The following ARHGEF10 variants were observed in gnomAD, a reference collection of about 807,000 sequenced individuals.
ARHGEF10 encodes Rho guanine nucleotide exchange factor 10.
A neutral mutation model predicts 147.4 loss-of-function variants in ARHGEF10; 140 were observed. The ratio of observed to expected loss-of-function variants is 0.95; its 90% CI spans 0.83 to 1.09. The LOEUF (loss-of-function observed/expected upper bound fraction) is 1.09, where lower values mean the gene tolerates loss of function less well. Among genes scored for constraint, ARHGEF10 ranks in the 50% least tolerant of loss-of-function variants. The pLI is 0.00. For synonymous variants in ARHGEF10, 902 were observed against 695.8 expected (o/e 1.30, Z -4.67); for missense variants, 2,222 against 1,752.7 (o/e 1.27, Z -4.78).
At chr8:1,915,582 C>T (rs574918481) in intron 18 of ARHGEF10, among the ~76,000 whole-genome samples, 1 of 152,366 alleles carries the variant, frequency 6.6e-6, no homozygotes, top group African/African-American at 2.4e-5. Context: ...GACAGTCCCA[C>T]AGTGGTGGCG....
intron 11 of ARHGEF10, among the ~76,000 whole-genome samples, chr8:1,890,233 GT>G (rs1230430819): frequency 2.2e-5 from 3 of 134,928 alleles, no homozygotes; most frequent in Admixed American, 7.0e-5. Flanking sequence ...TGGGGTGAGG[GT>G]TTGTGAGGAG....
intron 16 of ARHGEF10, chr8:1,903,897 C>A: frequency 4.2e-6 from 1 of 236,264 alleles, no homozygotes; most frequent in Non-Finnish European, 8.3e-6. Flanking sequence ...AGTTCAAGAC[C>A]AGCCTGGGCA....
intron 2 of ARHGEF10, among the ~76,000 whole-genome samples, chr8:1,852,817 A>G (rs529442941): frequency 9.2e-5 from 14 of 152,346 alleles, no homozygotes; most frequent in African/African-American, 2.4e-4. Flanking sequence ...GGCAGCCCCA[A>G]TGGCCCTGCT....
chr8:1,953,130 G>A (rs184840620), intron 28 of ARHGEF10, among the ~76,000 whole-genome samples: 10 of 152,324 alleles, frequency 6.6e-5, no homozygotes, highest in South Asian at 2.1e-4. Flanking sequence ...CGGGATCTCC[G>A]TTGTTCCTTT....
intron 17 of ARHGEF10, among the ~76,000 whole-genome samples, chr8:1,906,906 A>AACAT (rs1470929396): frequency 1.3e-5 from 2 of 152,212 alleles, no homozygotes; most frequent in Non-Finnish European, 2.9e-5. Context: ...AGTCCAAAAA[A>AACAT]TATGTGAGTC....
rs138367297 is a variant in ARHGEF10, at chr8:1,952,737, G to T, written c.3430G>T (p.Val1144Phe). 1.6e-4 allele frequency: 252 copies of T among 1,613,284 alleles called. 1 individual carries two copies. The African/African-American group carries it at 2.7e-3, about 17-fold the overall frequency. ...GCGGCTGTCGGTGACGAGCCTGCTCGTCTGCCACGGATTGCTGATGGTCGG... is the reference window on the plus strand; with the variant it reads ...GCGGCTGTCGGTGACGAGCCTGCTCTTCTGCCACGGATTGCTGATGGTCGG... ...HQRLSVTSLL[V>F]CHGLLMVGTS... Residue 1144 changes from valine (V) to phenylalanine (F), a missense_variant, in exon 28 of 29, where the codon GTC becomes TTC. Coordinates refer to ENST00000349830, the MANE Select transcript of ARHGEF10 (RefSeq NM_014629.4).
chr8:1,956,220 A>T (rs191930928), intron 28 of ARHGEF10, among the ~76,000 whole-genome samples: 1 of 152,312 alleles, frequency 6.6e-6, no homozygotes, highest in African/African-American at 2.4e-5. Context: ...TAAAATTTGA[A>T]TCACATCACC....
Position 1,957,019 on chromosome 8 carries a change from G to A in ARHGEF10, c.3791G>A (p.Ser1264Asn), listed in dbSNP as rs1229923816. Residue 1264 changes from serine to asparagine, a missense_variant, in exon 29 of 29, where the codon AGC becomes AAC. Ser to Asn is a conservative substitution (Grantham distance 46). Transcript: ENST00000349830. Reference protein sequence around the residue: ...SDLSSSSGSLSLSHGSSSLEH... With the variant: ...SDLSSSSGSLNLSHGSSSLEH... ...CTGTCCTCCTCATCTGGGTCCCTGA[G>A]CTTGTCTCACGGCTCCAGCTCTCTA... 3.7e-6 allele frequency: 6 copies of A among 1,613,936 alleles called. No individual in the cohort carries two copies. Among genetic ancestry groups the A allele is most frequent in the Non-Finnish European group, 4.2e-6 (5 of 1,180,050 alleles).
At chr8:1,918,505 T>TGTGTGTG (rs1554505892) in intron 18 of ARHGEF10, among the ~76,000 whole-genome samples, 4 of 148,708 alleles carry the variant, frequency 2.7e-5, no homozygotes, top group African/African-American at 7.5e-5. Flanking sequence ...TGTGTGTGTG[T>TGTGTGTG]TATTTTAAAA....
At chr8:1,888,264 AGTGGGGCTGTAGGTTCTGAGGAGGGGTGG>A (rs1808947027) in intron 11 of ARHGEF10, among the ~76,000 whole-genome samples, 1 of 58,528 alleles carries the variant, frequency 1.7e-5, no homozygotes, top group Admixed American at 1.8e-4. Context: ...GGAGATGCTG[AGTGGGGCTGTAGGTTCTGAGGAGGGGTGG>A]GGTGAGGGTT....
chr8:1,956,627 C>T (rs537768190), intron 28 of ARHGEF10, 122 bp from the exon 29 acceptor site: 2 of 1,007,156 alleles, frequency 2.0e-6, no homozygotes, highest in African/African-American at 3.2e-5. Flanking sequence ...ATGCAAGTTA[C>T]TTACAGGCTT....
At chr8:1,916,405 T>G (rs1811763762) in intron 18 of ARHGEF10, among the ~76,000 whole-genome samples, 1 of 152,236 alleles carries the variant, frequency 6.6e-6, no homozygotes, top group African/African-American at 2.4e-5. Flanking sequence ...ATATCTGGAA[T>G]TTGAGACATG....
intron 26 of ARHGEF10, chr8:1,943,939 G>A (rs553326826): frequency 6.6e-6 from 1 of 152,458 alleles, no homozygotes; most frequent in South Asian, 2.1e-4. Flanking sequence ...AGGGGACCTG[G>A]GGGGTTCCAG....
chr8:1,922,153 G>A (rs946413210), intron 18 of ARHGEF10, among the ~76,000 whole-genome samples: 2 of 151,718 alleles, frequency 1.3e-5, no homozygotes, highest in Admixed American at 1.3e-4. Flanking sequence ...ACTTCCTGTA[G>A]TACACAGGAA....
At chr8:1,842,781 C>G (rs150314339) in intron 1 of ARHGEF10, among the ~76,000 whole-genome samples, 1 of 152,188 alleles carries the variant, frequency 6.6e-6, no homozygotes, top group Non-Finnish European at 1.5e-5. Flanking sequence ...CTGGTGTCCT[C>G]GAAGCAGGGA....
intron 28 of ARHGEF10, among the ~76,000 whole-genome samples, chr8:1,953,946 C>T (rs17830137): frequency 0.3 from 45,029 of 152,078 alleles, 7,483 homozygotes; most frequent in East Asian, 0.55. Flanking sequence ...CGGTGGCTTC[C>T]GTGCACTCAG....
intron 2 of ARHGEF10, among the ~76,000 whole-genome samples, chr8:1,845,076 C>G (rs1414778491): frequency 6.6e-6 from 1 of 152,112 alleles, no homozygotes; most frequent in African/African-American, 2.4e-5. Flanking sequence ...GAAGTTGAGG[C>G]TGCAGTGAGC....
intron 18 of ARHGEF10, among the ~76,000 whole-genome samples, chr8:1,917,862 C>T (rs894568324): frequency 1.3e-5 from 2 of 152,098 alleles, no homozygotes; most frequent in African/African-American, 2.4e-5. Context: ...GCAACCTCCA[C>T]CTCCTGGGTT....
intron 1 of ARHGEF10, among the ~76,000 whole-genome samples, chr8:1,839,191 A>T (rs987432578): frequency 1.8e-5 from 1 of 55,594 alleles, no homozygotes; most frequent in African/African-American, 8.0e-5. Flanking sequence ...GGACTGTCTG[A>T]TGTGGGGACT....
Sources: gnomAD v4.1 joint callset for allele counts (sites outside exome capture counted in the v4.1 genomes callset) on GRCh38, gnomAD v4.1.1 for gene constraint, MANE v1.5 for transcripts, NCBI Gene and HGNC (gene_info 2026-07-23, HGNC 2026-07-21) for gene names.